Variants in NLGN1 observed in about 807,000 individuals in gnomAD.
The protein encoded by NLGN1 is neuroligin 1, also known as neuroligin-1.
A neutral mutation model predicts 65.5 loss-of-function variants in NLGN1; 12 were observed. That is an observed-to-expected ratio of 0.18 (90% CI 0.12 to 0.30). The LOEUF is 0.30. NLGN1 is among the 10% of genes least tolerant of loss of function. NLGN1 has a pLI of 1.00. For missense variants in NLGN1, 750 were observed against 1,007.1 expected (o/e 0.74, Z 3.46); for synonymous variants, 350 against 359.5 (o/e 0.97, Z 0.30).
intron 4 of NLGN1, among the ~76,000 whole-genome samples, chr3:174,245,101 AT>A (rs1743557743): frequency 1.3e-5 from 2 of 152,170 alleles, no homozygotes; most frequent in African/African-American, 4.8e-5. Context: ...TGTGCAATCT[AT>A]TTCTATTTTA....
intron 3 of NLGN1, among the ~76,000 whole-genome samples, chr3:173,623,790 T>G (rs1305474325): frequency 1.3e-5 from 2 of 152,096 alleles, no homozygotes; most frequent in East Asian, 3.9e-4. Flanking sequence ...TGTCTTTGGT[T>G]AGATTGATGA....
At chr3:173,923,004 AATT>A (rs1268326496) in intron 4 of NLGN1, among the ~76,000 whole-genome samples, 1 of 152,112 alleles carries the variant, frequency 6.6e-6, no homozygotes, top group Non-Finnish European at 1.5e-5. Flanking sequence ...CATACTATAT[AATT>A]ATTATCATCA....
intron 2 of NLGN1, among the ~76,000 whole-genome samples, chr3:173,525,580 T>C (rs114042183): frequency 1.3e-5 from 2 of 152,062 alleles, no homozygotes; most frequent in African/African-American, 4.8e-5. Flanking sequence ...ATATCTTTTT[T>C]AATTTTCAGT....
At chr3:173,870,186 C>T (rs1158357737) in intron 4 of NLGN1, among the ~76,000 whole-genome samples, 1 of 152,118 alleles carries the variant, frequency 6.6e-6, no homozygotes, top group Non-Finnish European at 1.5e-5. Context: ...TTACCATTAT[C>T]TCTTCTAATC....
chr3:174,206,530 G>A (rs966825051), intron 4 of NLGN1, among the ~76,000 whole-genome samples: 8 of 152,106 alleles, frequency 5.3e-5, no homozygotes, highest in Non-Finnish European at 1.0e-4. Flanking sequence ...CCAAGACAAG[G>A]AAAGAGGGCC....
chr3:173,411,253 C>G (rs1387651121), intron 1 of NLGN1, among the ~76,000 whole-genome samples: 4 of 152,132 alleles, frequency 2.6e-5, no homozygotes, highest in African/African-American at 4.8e-5. Flanking sequence ...CAGATCATTC[C>G]CTTACGGAGT....
At chr3:174,245,524 G>T (rs891295739) in intron 4 of NLGN1, among the ~76,000 whole-genome samples, 1 of 151,822 alleles carries the variant, frequency 6.6e-6, no homozygotes, top group African/African-American at 2.4e-5. Flanking sequence ...AAATATTCTT[G>T]GTTTGTTGGT....
intron 3 of NLGN1, among the ~76,000 whole-genome samples, chr3:173,672,372 G>T (rs1053292939): frequency 2.0e-5 from 3 of 152,142 alleles, no homozygotes; most frequent in Non-Finnish European, 2.9e-5. Flanking sequence ...CTATCAGGGT[G>T]AATAAAGACT....
intron 3 of NLGN1, among the ~76,000 whole-genome samples, chr3:173,754,619 C>A (rs1442552258): frequency 6.6e-6 from 1 of 152,016 alleles, no homozygotes; most frequent in Non-Finnish European, 1.5e-5. Flanking sequence ...AGTAGACACT[C>A]CATAAATATT....
At chr3:173,963,666 A>C (rs1714126733) in intron 4 of NLGN1, among the ~76,000 whole-genome samples, 1 of 152,204 alleles carries the variant, frequency 6.6e-6, no homozygotes, top group Non-Finnish European at 1.5e-5. Context: ...TAATAGTATA[A>C]TTAGGACAGG....
intron 2 of NLGN1, among the ~76,000 whole-genome samples, chr3:173,516,231 A>G (rs115088137): frequency 0.011 from 1,630 of 152,188 alleles, 32 homozygotes; most frequent in African/African-American, 0.037. Flanking sequence ...CAAGGGTAAG[A>G]GTTTGGATAT....
intron 4 of NLGN1, among the ~76,000 whole-genome samples, chr3:174,221,836 G>A (rs1008578969): frequency 5.9e-5 from 9 of 151,654 alleles, no homozygotes; most frequent in South Asian, 2.1e-4. Flanking sequence ...ATGTAGCTGC[G>A]TCATTCCAAT....
At chr3:173,451,046 C>A (rs998548023) in intron 2 of NLGN1, among the ~76,000 whole-genome samples, 1 of 152,150 alleles carries the variant, frequency 6.6e-6, no homozygotes, top group African/African-American at 2.4e-5. Flanking sequence ...TCTTCTGAAG[C>A]CTTCTTCTCT....
chr3:174,057,136 A>C (rs1229201178), intron 4 of NLGN1, among the ~76,000 whole-genome samples: 1 of 151,980 alleles, frequency 6.6e-6, no homozygotes, highest in Non-Finnish European at 1.5e-5. Flanking sequence ...AGGGGAAAAA[A>C]AAAGAACTTA....
intron 4 of NLGN1, among the ~76,000 whole-genome samples, chr3:174,008,259 G>A (rs1278350506): frequency 6.6e-6 from 1 of 151,970 alleles, no homozygotes; most frequent in Non-Finnish European, 1.5e-5. Flanking sequence ...CTCAGATGTG[G>A]CATATGTCAC....
At position 174,280,625 on chromosome 3, in the gene NLGN1, C is replaced by T. The variant is rs1484167435; in HGVS notation, c.1794C>T (p.Tyr598=). ...TAAAACCAAGAGTTAAAGAACATTA[C>T]AGAGCCAATAAGGTGAACCTCTGGT... The change falls in exon 7 of 7, where the codon TAC becomes TAT. Residue 598 remains tyrosine (Y), a synonymous_variant. Transcript: ENST00000457714. This position sits in a 1 kb window ranked among gnomAD's most constrained non-coding sequence, Gnocchi z 4.9. 6.2e-6 allele frequency: 10 copies of T among 1,613,158 alleles called. No homozygotes were observed. Among genetic ancestry groups the T allele is most frequent in the Non-Finnish European group, 7.6e-6 (9 of 1,179,514 alleles).
chr3:174,012,923 C>A (rs1725838686), intron 4 of NLGN1, among the ~76,000 whole-genome samples: 1 of 152,088 alleles, frequency 6.6e-6, no homozygotes, highest in East Asian at 1.9e-4. Context: ...GTTGCCAAAG[C>A]AGAACGTAGA....
intron 3 of NLGN1, among the ~76,000 whole-genome samples, chr3:173,791,442 A>T (rs921299803): frequency 6.6e-6 from 1 of 151,934 alleles, no homozygotes; most frequent in Non-Finnish European, 1.5e-5. Flanking sequence ...ATGCAATTTA[A>T]CTGATATTAC....
chr3:173,691,432 G>A (rs1446801094), intron 3 of NLGN1, among the ~76,000 whole-genome samples: 1 of 152,046 alleles, frequency 6.6e-6, no homozygotes, highest in African/African-American at 2.4e-5. Flanking sequence ...CTAAAATACA[G>A]TTTTGTTCAG....
Sources: allele counts gnomAD v4.1 joint callset (sites outside exome capture counted in the v4.1 genomes callset), GRCh38; gene constraint gnomAD v4.1.1; non-coding constraint Gnocchi (gnomAD v3.1); transcripts MANE v1.5; gene names NCBI Gene and HGNC (gene_info 2026-07-23, HGNC 2026-07-21).